PPFIBP2: variants seen among roughly 807,000 people sequenced by gnomAD.
The protein encoded by PPFIBP2 is PPFIB scaffold protein 2, also known as liprin-beta-2.
A neutral mutation model predicts 118.3 loss-of-function variants in PPFIBP2; 118 were observed. The observed-to-expected ratio is 1.00, with a 90% CI of 0.86 to 1.16. The LOEUF (loss-of-function observed/expected upper bound fraction) is 1.16, where lower values mean the gene tolerates loss of function less well. Ranked by LOEUF, PPFIBP2 falls within the 50% of genes most tolerant of loss-of-function variation. The pLI is 0.00. For missense variants in PPFIBP2, 1,195 were observed against 1,073.1 expected, an observed-to-expected ratio of 1.11 and a Z score of -1.59; for synonymous variants, 414 against 397.4, an observed-to-expected ratio of 1.04 and a Z score of -0.50.
intron 4 of PPFIBP2, among the ~76,000 whole-genome samples, chr11:7,595,940 C>T (rs971640906): frequency 6.7e-6 from 1 of 149,190 alleles, no homozygotes; most frequent in Non-Finnish European, 1.5e-5. Context: ...AAAATTATGC[C>T]TAGCATCTAT....
intron 1 of PPFIBP2, among the ~76,000 whole-genome samples, chr11:7,515,767 A>G (rs901262709): frequency 2.0e-5 from 3 of 152,198 alleles, no homozygotes; most frequent in Admixed American, 1.3e-4. Flanking sequence ...GGACTGACTG[A>G]TGGTTCTGTG....
intron 10 of PPFIBP2, among the ~76,000 whole-genome samples, chr11:7,629,923 A>G (rs1279723196): frequency 6.6e-6 from 1 of 152,216 alleles, no homozygotes; most frequent in Non-Finnish European, 1.5e-5. Flanking sequence ...TAGAAAATCT[A>G]AAGTTCCGCA....
At chr11:7,605,157 T>C (rs1847185828) in intron 5 of PPFIBP2, among the ~76,000 whole-genome samples, 1 of 152,236 alleles carries the variant, frequency 6.6e-6, no homozygotes, top group South Asian at 2.1e-4. Flanking sequence ...GCAGAAAAGA[T>C]GGCAATGTAC....
intron 4 of PPFIBP2, among the ~76,000 whole-genome samples, chr11:7,596,350 G>A (rs867642525): frequency 3.3e-5 from 5 of 150,826 alleles, no homozygotes; most frequent in Middle Eastern, 3.5e-3. Context: ...AAAGGTTTGC[G>A]TGTAAGGTGG....
At chr11:7,554,239 G>A (rs939535933) in intron 2 of PPFIBP2, among the ~76,000 whole-genome samples, 20 of 152,166 alleles carry the variant, frequency 1.3e-4, no homozygotes, top group East Asian at 1.9e-4. Flanking sequence ...GTATTTCAAC[G>A]GAAAAAACCT....
At chr11:7,573,246 C>A (rs980212512) in intron 3 of PPFIBP2, among the ~76,000 whole-genome samples, 44 of 152,306 alleles carry the variant, frequency 2.9e-4, no homozygotes, top group African/African-American at 9.9e-4. Context: ...CCCCTCAGGT[C>A]CAGGCAGTTC....
chr11:7,621,862 AT>A (rs1849398040), intron 7 of PPFIBP2, among the ~76,000 whole-genome samples: 1 of 152,112 alleles, frequency 6.6e-6, no homozygotes, highest in African/African-American at 2.4e-5. Flanking sequence ...TTGTATTTTT[AT>A]TTTTTGTGCA....
At chr11:7,553,484 C>T (rs997559071) in intron 2 of PPFIBP2, among the ~76,000 whole-genome samples, 1 of 152,176 alleles carries the variant, frequency 6.6e-6, no homozygotes, top group Non-Finnish European at 1.5e-5. Flanking sequence ...ATTAGGATGG[C>T]TGAACCAAAT....
chr11:7,649,332 T>A, intron 20 of PPFIBP2, 97 bp downstream of exon 20: 1 of 1,302,806 alleles, frequency 7.7e-7, no homozygotes, highest in Non-Finnish European at 1.1e-6. Context: ...CATATATTCT[T>A]AAGGCCTTGA....
chr11:7,633,119 C>T (rs1297534594), intron 12 of PPFIBP2, among the ~76,000 whole-genome samples, 185 bp downstream of exon 12: 1 of 152,174 alleles, frequency 6.6e-6, no homozygotes, highest in Non-Finnish European at 1.5e-5. Flanking sequence ...GGCTTCTCAT[C>T]CTTCAGGCTG....
downstream of PPFIBP2, among the ~76,000 whole-genome samples, chr11:7,658,059 G>C (rs1402161941): frequency 1.3e-5 from 2 of 152,246 alleles, no homozygotes; most frequent in Non-Finnish European, 2.9e-5. Flanking sequence ...TTACAGTGTA[G>C]TGGAGTACAG....
intron 6 of PPFIBP2, among the ~76,000 whole-genome samples, chr11:7,613,435 AGAGT>A (rs755270966): frequency 3.3e-5 from 5 of 152,218 alleles, no homozygotes; most frequent in African/African-American, 4.8e-5. Context: ...GCCTTGCTCA[AGAGT>A]GAGTAGTGGC....
At chr11:7,563,091 AG>A (rs1451100896) in intron 2 of PPFIBP2, among the ~76,000 whole-genome samples, 10 of 151,522 alleles carry the variant, frequency 6.6e-5, no homozygotes, top group Non-Finnish European at 1.0e-4. Flanking sequence ...TAGGGCAGAG[AG>A]GGTCACAGAG....
chr11:7,634,639 C>G, intron 13 of PPFIBP2, 87 bp downstream of exon 13: 4 of 999,978 alleles, frequency 4.0e-6, no homozygotes, highest in Non-Finnish European at 6.3e-6. Flanking sequence ...GGTCCTGGTC[C>G]CTACCTTGTA....
At chr11:7,581,854 T>C (rs80170086) in intron 3 of PPFIBP2, among the ~76,000 whole-genome samples, 2 of 151,754 alleles carry the variant, frequency 1.3e-5, no homozygotes, top group Non-Finnish European at 2.9e-5. Context: ...TTTTTTTTTT[T>C]GAGACAGAGT....
intron 3 of PPFIBP2, chr11:7,577,328 T>TGCGTGA (rs139232467): frequency 3.5e-6 from 1 of 283,134 alleles, no homozygotes; most frequent in Non-Finnish European, 7.0e-6. Flanking sequence ...TGCGTGTGTG[T>TGCGTGA]GTGTGTGTGT....
chr11:7,576,853 G>A, intron 3 of PPFIBP2: 1 of 152,558 alleles, frequency 6.6e-6, no homozygotes, highest in Non-Finnish European at 1.5e-5. Context: ...GACTGGAGCT[G>A]CTTTTTTTTG....
intron 1 of PPFIBP2, among the ~76,000 whole-genome samples, chr11:7,519,199 G>T (rs923665006): frequency 2.6e-5 from 4 of 152,298 alleles, no homozygotes; most frequent in African/African-American, 9.6e-5. Context: ...GGCTTGCGGG[G>T]TTAAAGAAGA....
At chr11:7,529,132 AG>A (rs1356543782) in intron 1 of PPFIBP2, among the ~76,000 whole-genome samples, 3 of 152,108 alleles carry the variant, frequency 2.0e-5, no homozygotes, top group Non-Finnish European at 2.9e-5. Context: ...GCAGTGACGC[AG>A]GATTTCATGT....
Sources: allele counts gnomAD v4.1 joint callset (sites outside exome capture counted in the v4.1 genomes callset), GRCh38; gene constraint gnomAD v4.1.1; transcripts MANE v1.5; gene names NCBI Gene and HGNC (gene_info 2026-07-23, HGNC 2026-07-21).